Variants in OTUD7A observed in about 807,000 individuals in gnomAD.
The protein encoded by OTUD7A is OTU deubiquitinase 7A.
Under a neutral mutation model 65.7 loss-of-function variants are expected in OTUD7A, and 12 were observed. The ratio of observed to expected loss-of-function variants is 0.18; its 90% CI spans 0.12 to 0.30. OTUD7A has a LOEUF of 0.30. Among genes scored for constraint, OTUD7A ranks in the 10% least tolerant of loss-of-function variants. The pLI, the probability that OTUD7A is intolerant of heterozygous loss-of-function variation, is 1.00. For synonymous variants in OTUD7A, 641 were observed against 586.3 expected (o/e 1.09, Z -1.35); for missense variants, 1,148 against 1,304.8 (o/e 0.88, Z 1.85).
chr15:31,821,133 C>CTTTTTT (rs35732957), intron 1 of OTUD7A, among the ~76,000 whole-genome samples: 399 of 97,412 alleles, frequency 4.1e-3, no homozygotes, highest in African/African-American at 6.3e-3. Context: ...TTTTTCATTT[C>CTTTTTT]TTTTTTTTTT....
chr15:31,628,802 C>A (rs951467237), intron 3 of OTUD7A, among the ~76,000 whole-genome samples: 1 of 152,034 alleles, frequency 6.6e-6, no homozygotes. Context: ...TTGAAGAGGT[C>A]CTTCACATCC....
In OTUD7A at chr15:31,502,740, C is replaced by T. The variant is rs58470543; in HGVS notation, c.1022-901G>A. Reference sequence around the variant, plus strand: ...TGCTGGGAGCTCAGTCCTGGGCTTACGCAGCAGTGCCCTGATGCAAGCCCT... The same window carrying T: ...TGCTGGGAGCTCAGTCCTGGGCTTATGCAGCAGTGCCCTGATGCAAGCCCT... On this transcript the variant is annotated intron_variant, in intron 9 of 12. Transcript: ENST00000307050. Among the ~76,000 whole-genome samples, 921 of 152,284 alleles carry T rather than the reference C, an allele frequency of 6.0e-3. 11 individuals are homozygous for T. Among genetic ancestry groups the T allele is most frequent in the African/African-American group, 0.021 (885 of 41,566 alleles).
intron 2 of OTUD7A, among the ~76,000 whole-genome samples, chr15:31,656,430 G>A (rs34115503): frequency 1.1e-4 from 17 of 152,268 alleles, no homozygotes; most frequent in South Asian, 2.1e-4. Flanking sequence ...TTTGCATAGC[G>A]TCTGTGGCTG....
At chr15:31,743,312 A>G (rs1009386199) in intron 1 of OTUD7A, among the ~76,000 whole-genome samples, 9 of 152,210 alleles carry the variant, frequency 5.9e-5, no homozygotes, top group Admixed American at 5.9e-4. Flanking sequence ...GATATGTAAA[A>G]AAGTCCCAAA....
At chr15:31,554,526 C>T (rs897071297) in intron 5 of OTUD7A, among the ~76,000 whole-genome samples, 6 of 152,230 alleles carry the variant, frequency 3.9e-5, no homozygotes, top group African/African-American at 1.4e-4. Context: ...TGTAACTTAC[C>T]ATTCTCTGGC....
At chr15:31,708,736 T>A (rs1467977427) in intron 1 of OTUD7A, among the ~76,000 whole-genome samples, 1 of 152,050 alleles carries the variant, frequency 6.6e-6, no homozygotes, top group Non-Finnish European at 1.5e-5. Context: ...AATAGCTCCA[T>A]TAGCATTTCA....
At position 31,860,252 on chromosome 15, in the gene OTUD7A, T is replaced by G. The variant is rs191511325; in HGVS notation, c.-100+10255A>C. Among the ~76,000 whole-genome samples the G allele has an allele frequency of 9.4e-4, 143 of 152,338 alleles. 1 individual carries two copies. Among genetic ancestry groups the G allele is most frequent in the African/African-American group, 3.3e-3 (138 of 41,576 alleles). ...ACTAATCAGTAAATTATCTGGTTTT[T>G]GTTTATTTGCAACCCAAGTAAACAC... On this transcript the variant is annotated intron_variant, in intron 1 of 12. Transcript: ENST00000307050.
chr15:31,539,193 C>T (rs1887903642), intron 5 of OTUD7A, among the ~76,000 whole-genome samples: 1 of 152,080 alleles, frequency 6.6e-6, no homozygotes. Context: ...TCCCATATTC[C>T]TTCCTCCCCA....
At chr15:31,870,006 G>A (rs1183675380) in intron 1 of OTUD7A, among the ~76,000 whole-genome samples, 1 of 151,694 alleles carries the variant, frequency 6.6e-6, no homozygotes, top group Non-Finnish European at 1.5e-5. Context: ...CCGGGCCGCG[G>A]GGACCCACGC....
chr15:31,740,934 T>C (rs1327364256), intron 1 of OTUD7A, among the ~76,000 whole-genome samples: 1 of 152,242 alleles, frequency 6.6e-6, no homozygotes, highest in African/African-American at 2.4e-5. Flanking sequence ...AAGCATTTGC[T>C]AGTGATAAAA....
At chr15:31,851,010 A>C (rs1243284319) in intron 1 of OTUD7A, among the ~76,000 whole-genome samples, 1 of 152,208 alleles carries the variant, frequency 6.6e-6, no homozygotes, top group Non-Finnish European at 1.5e-5. Context: ...GTAATAAATG[A>C]TTACTTGGAG....
intron 1 of OTUD7A, among the ~76,000 whole-genome samples, chr15:31,776,150 CCT>C (rs1472770125): frequency 6.6e-6 from 1 of 152,212 alleles, no homozygotes; most frequent in South Asian, 2.1e-4. Flanking sequence ...TCGGGCTGCC[CCT>C]GACAGCTGCC....
intron 1 of OTUD7A, among the ~76,000 whole-genome samples, chr15:31,821,868 G>GTTGACTATCC (rs1192903055): frequency 6.6e-6 from 1 of 152,180 alleles, no homozygotes; most frequent in African/African-American, 2.4e-5. Flanking sequence ...GACTGATGAT[G>GTTGACTATCC]TTGACTATCC....
intron 1 of OTUD7A, among the ~76,000 whole-genome samples, chr15:31,762,291 G>C (rs769657002): frequency 1.3e-5 from 2 of 152,192 alleles, no homozygotes; most frequent in Non-Finnish European, 2.9e-5. Flanking sequence ...CTGCCCACAG[G>C]AGCTGTGGTC....
chr15:31,581,419 AG>A lies in OTUD7A; in HGVS notation c.152-11223del, dbSNP rs1348394387. Among the ~76,000 whole-genome samples the A allele has an allele frequency of 2.0e-5, 3 of 152,348 alleles. No individual in the cohort carries two copies. The East Asian group carries it at 5.8e-4, about 29-fold the overall frequency. On this transcript the variant is annotated intron_variant, in intron 3 of 12. Transcript: ENST00000307050. ...CAGTGCCCCAGTAGGGACTCTGTGT[AG>A]GGGCTCCCATCCCACATTTCCCTTC...
intron 1 of OTUD7A, among the ~76,000 whole-genome samples, chr15:31,812,255 G>A (rs1202309519): frequency 6.6e-6 from 1 of 152,116 alleles, no homozygotes; most frequent in African/African-American, 2.4e-5. Flanking sequence ...AGCCCAACCA[G>A]GGCTTCCACA....
At chr15:31,599,802 C>T (rs986000768) in intron 3 of OTUD7A, among the ~76,000 whole-genome samples, 14 of 152,010 alleles carry the variant, frequency 9.2e-5, no homozygotes, top group African/African-American at 3.1e-4. Flanking sequence ...CATAAATGAC[C>T]TGATGGAGTT....
At chr15:31,622,801 T>C (rs541361857) in intron 3 of OTUD7A, among the ~76,000 whole-genome samples, 14 of 152,380 alleles carry the variant, frequency 9.2e-5, no homozygotes, top group African/African-American at 3.4e-4. Context: ...GTTCCATTGC[T>C]GGTGAGGAGC....
chr15:31,665,434 G>A (rs774284627), intron 1 of OTUD7A, among the ~76,000 whole-genome samples: 1 of 152,106 alleles, frequency 6.6e-6, no homozygotes, highest in South Asian at 2.1e-4. Flanking sequence ...TTATAAAAAC[G>A]GTTGAGTTAT....
Sources: allele counts gnomAD v4.1 joint callset (sites outside exome capture counted in the v4.1 genomes callset), GRCh38; gene constraint gnomAD v4.1.1; transcripts MANE v1.5; gene names NCBI Gene and HGNC (gene_info 2026-07-23, HGNC 2026-07-21).